Variants in CTNND2 observed in about 807,000 individuals in gnomAD.
The protein encoded by CTNND2 is catenin delta-2.
Under a neutral mutation model 144.4 loss-of-function variants are expected in CTNND2, and 22 were observed. The ratio of observed to expected loss-of-function variants is 0.15; its 90% CI spans 0.11 to 0.22. The LOEUF is 0.22. Ranked by LOEUF, CTNND2 falls within the 10% of genes least tolerant of loss-of-function variation. CTNND2 has a pLI of 1.00. For synonymous variants in CTNND2, 751 were observed against 695.6 expected (o/e 1.08, Z -1.25); for missense variants, 1,353 against 1,618.8 (o/e 0.84, Z 2.82).
intron 14 of CTNND2, among the ~76,000 whole-genome samples, chr5:11,101,887 ATGTGTGTGTGTGTG>A (rs201704440): frequency 1.4e-5 from 2 of 145,188 alleles, no homozygotes; most frequent in South Asian, 2.2e-4. Context: ...ACGACCACAT[ATGTGTGTGTGTGTG>A]TGTGTGTGTG....
intron 1 of CTNND2, among the ~76,000 whole-genome samples, chr5:11,849,170 G>A (rs906232246): frequency 2.6e-5 from 4 of 152,104 alleles, no homozygotes; most frequent in Non-Finnish European, 5.9e-5. Flanking sequence ...ATCTTACAAC[G>A]CAGCAGGCAA....
chr5:11,690,206 T>C (rs570061867), intron 2 of CTNND2, among the ~76,000 whole-genome samples: 41 of 152,284 alleles, frequency 2.7e-4, no homozygotes, highest in Non-Finnish European at 4.9e-4. Context: ...TAGAATCCAA[T>C]GTATCCACCG....
intron 2 of CTNND2, among the ~76,000 whole-genome samples, chr5:11,721,113 C>T (rs1786652179): frequency 6.6e-6 from 1 of 152,128 alleles, no homozygotes; most frequent in African/African-American, 2.4e-5. Context: ...TGTATCCATA[C>T]AGTGGAATAT....
At chr5:11,568,118 GC>G (rs1306729912) in intron 2 of CTNND2, among the ~76,000 whole-genome samples, 1 of 152,136 alleles carries the variant, frequency 6.6e-6, no homozygotes, top group Non-Finnish European at 1.5e-5. Context: ...GCTGGTGGGT[GC>G]TGGCAAACAT....
At chr5:11,634,830 C>T (rs1249076418) in intron 2 of CTNND2, among the ~76,000 whole-genome samples, 2 of 152,042 alleles carry the variant, frequency 1.3e-5, no homozygotes, top group African/African-American at 4.8e-5. Flanking sequence ...AAACCATTTC[C>T]TAAAGGTGCA....
rs1162298636 is a variant in CTNND2 at position 11,451,643 on chromosome 5, T to G, written c.288-39574A>C. ...ACCAAGCATTTCGGATAAATGATACTCAACCTGGATTACAATAACATCAGA... is the reference window on the plus strand; with the variant it reads ...ACCAAGCATTTCGGATAAATGATACGCAACCTGGATTACAATAACATCAGA... On this transcript the variant is annotated intron_variant, in intron 3 of 21. Transcript: ENST00000304623. Among the ~76,000 whole-genome samples the G allele has an allele frequency of 2.0e-5, 3 of 152,206 alleles. No homozygotes were observed. In the East Asian group the frequency reaches 5.8e-4, roughly 29 times the overall value.
At chr5:11,258,627 G>A (rs1336889486) in intron 9 of CTNND2, among the ~76,000 whole-genome samples, 1 of 152,066 alleles carries the variant, frequency 6.6e-6, no homozygotes, top group Non-Finnish European at 1.5e-5. Context: ...GATTATGTGT[G>A]CGTTTTTTTC....
intron 2 of CTNND2, among the ~76,000 whole-genome samples, chr5:11,727,238 A>G (rs1276692975): frequency 6.6e-6 from 1 of 152,158 alleles, no homozygotes; most frequent in Non-Finnish European, 1.5e-5. Flanking sequence ...CATGAACTTC[A>G]TAACTTTACA....
chr5:11,449,629 GAAGT>G (rs1178565345), intron 3 of CTNND2, among the ~76,000 whole-genome samples: 6 of 152,158 alleles, frequency 3.9e-5, no homozygotes, highest in Admixed American at 1.3e-4. Context: ...CCCCTCAAAA[GAAGT>G]AAGATAAATT....
At chr5:11,762,502 T>C (rs1789325177) in intron 1 of CTNND2, among the ~76,000 whole-genome samples, 1 of 152,114 alleles carries the variant, frequency 6.6e-6, no homozygotes, top group Non-Finnish European at 1.5e-5. Context: ...GGAAACTAAA[T>C]GATCCAAAAA....
At chr5:11,749,372 A>G (rs1432898702) in intron 1 of CTNND2, among the ~76,000 whole-genome samples, 1 of 152,006 alleles carries the variant, frequency 6.6e-6, no homozygotes, top group Admixed American at 6.6e-5. Context: ...GAGGGTCATT[A>G]CCTAATGCTG....
intron 10 of CTNND2, among the ~76,000 whole-genome samples, chr5:11,216,896 C>A (rs1478441543): frequency 1.3e-5 from 2 of 152,218 alleles, no homozygotes; most frequent in Non-Finnish European, 2.9e-5. Flanking sequence ...GATCATCCTC[C>A]TGCTATAACC....
At chr5:11,162,208 T>G (rs1450660330) in intron 11 of CTNND2, among the ~76,000 whole-genome samples, 1 of 152,154 alleles carries the variant, frequency 6.6e-6, no homozygotes, top group Non-Finnish European at 1.5e-5. Flanking sequence ...CCTTTGCATT[T>G]TTTTACATGC....
At chr5:11,480,646 A>ATGTGTGTGTGTG (rs58951106) in intron 3 of CTNND2, among the ~76,000 whole-genome samples, 10,073 of 148,922 alleles carry the variant, frequency 0.068, 468 homozygotes, top group Non-Finnish European at 0.11. Flanking sequence ...AAATACATAT[A>ATGTGTGTGTGTG]TGTGTGTGTG....
chr5:11,086,558 T>C lies in CTNND2; in HGVS notation c.2638-3712A>G, dbSNP rs576004376. ...TCACATTTCTTTCCTTTCTATTTGT[T>C]GGCATCAGGCAAATGAGGGCTCAGA... On this transcript the variant is annotated intron_variant, in intron 15 of 21. Transcript: ENST00000304623. Among the ~76,000 whole-genome samples, 23 of 152,314 alleles carry C rather than the reference T, an allele frequency of 1.5e-4. No individual in the cohort carries two copies. The South Asian group carries it at 3.9e-3, about 26-fold the overall frequency.
intron 2 of CTNND2, among the ~76,000 whole-genome samples, chr5:11,652,153 G>T (rs1782675443): frequency 6.6e-6 from 1 of 152,158 alleles, no homozygotes; most frequent in Admixed American, 6.6e-5. Flanking sequence ...GGGGGTAACT[G>T]GATCTTGGAG....
chr5:11,710,580 C>G (rs1785970027), intron 2 of CTNND2, among the ~76,000 whole-genome samples: 1 of 150,926 alleles, frequency 6.6e-6, no homozygotes, highest in Non-Finnish European at 1.5e-5. Context: ...ACTGATCTCA[C>G]AGCAAAAACA....
chr5:11,060,322 A>G (rs963346421), intron 16 of CTNND2, among the ~76,000 whole-genome samples: 2 of 152,174 alleles, frequency 1.3e-5, no homozygotes, highest in African/African-American at 4.8e-5. Context: ...CACATGGAAA[A>G]CTGATCAAGA....
In CTNND2 at chr5:11,556,179, CT is replaced by C. The variant is rs199705162; in HGVS notation, c.287+8764del. Among the ~76,000 whole-genome samples, 451 of 151,498 alleles carry C rather than the reference CT, an allele frequency of 3.0e-3. 2 individuals carry two copies. The highest frequency in any genetic ancestry group is 0.01 in the African/African-American group (429 of 41,360). On this transcript the variant is annotated intron_variant, in intron 3 of 21. Coordinates refer to ENST00000304623, the MANE Select transcript of CTNND2 (RefSeq NM_001332.4). ...AAAAAATGATCCAAAAGCAATCTAA[CT>C]TTTTTTTTCCACCTGGCAAATGTGT...
Sources: allele counts gnomAD v4.1 joint callset (sites outside exome capture counted in the v4.1 genomes callset), GRCh38; gene constraint gnomAD v4.1.1; transcripts MANE v1.5; gene names NCBI Gene and HGNC (gene_info 2026-07-23, HGNC 2026-07-21).